FRAS1: variants seen among roughly 807,000 people sequenced by gnomAD.
FRAS1 encodes extracellular matrix organizing protein FRAS1.
Under a neutral mutation model 435.2 loss-of-function variants are expected in FRAS1, and 290 were observed. The ratio of observed to expected loss-of-function variants is 0.67; its 90% CI spans 0.61 to 0.73. FRAS1 has a LOEUF of 0.73. FRAS1 is among the 30% of genes least tolerant of loss of function. FRAS1 has a pLI of 0.00. For synonymous variants in FRAS1, 1,800 were observed against 1,851.0 expected (o/e 0.97, Z 0.71); for missense variants, 4,860 against 5,001.5 (o/e 0.97, Z 0.85).
Position 78,489,054 on chromosome 4 carries a change from C to T in FRAS1, c.8932C>T (p.Arg2978Trp), listed in dbSNP as rs772287156. The change falls in exon 59 of 74, where the codon CGG (arginine) becomes TGG (tryptophan). Residue 2978 changes from arginine to tryptophan, a missense_variant. Physicochemically the swap from Arg to Trp is moderately radical, Grantham distance 101. Transcript: ENST00000512123. ...FEERQNADSS[R>W]ITFLKGDKVK... ...GGAGAGACAAAATGCAGACTCTTCACGGATTACATTTCTCAAAGGGGACAA... is the reference window on the plus strand; with the variant it reads ...GGAGAGACAAAATGCAGACTCTTCATGGATTACATTTCTCAAAGGGGACAA... The T allele has an allele frequency of 9.3e-6, 15 of 1,613,106 alleles. No individual in the cohort carries two copies. Among genetic ancestry groups the T allele is most frequent in the African/African-American group, 1.3e-5 (1 of 74,878 alleles).
At chr4:78,220,629 T>C (rs2110095885) in intron 2 of FRAS1, among the ~76,000 whole-genome samples, 1 of 152,348 alleles carries the variant, frequency 6.6e-6, no homozygotes, top group East Asian at 1.9e-4. Context: ...TCTCATGTTC[T>C]GTATAATCTA....
intron 22 of FRAS1, among the ~76,000 whole-genome samples, chr4:78,367,918 T>G (rs12642918): frequency 0.12 from 18,067 of 152,230 alleles, 1,329 homozygotes; most frequent in African/African-American, 0.21. Flanking sequence ...ATAAAAATAT[T>G]GATCAAGTAA....
rs553390011 is a variant in FRAS1 at position 78,329,236 on chromosome 4, A to G, written c.2138-4036A>G. Among the ~76,000 whole-genome samples the G allele has an allele frequency of 3.3e-5, 5 of 152,324 alleles. No individual in the cohort carries two copies. In the South Asian group the frequency reaches 8.3e-4, roughly 25 times the overall value. Reference sequence around the variant, plus strand: ...GTCCAATGCATTAATTGTCATCTATACACTTGTATTAACTCCCATTTTGAC... The same window carrying G: ...GTCCAATGCATTAATTGTCATCTATGCACTTGTATTAACTCCCATTTTGAC... On this transcript the variant is annotated intron_variant, in intron 18 of 73. Coordinates refer to ENST00000512123, the MANE Select transcript of FRAS1 (RefSeq NM_025074.7).
chr4:78,089,661 T>TTTG (rs10631920), intron 2 of FRAS1, among the ~76,000 whole-genome samples: 101,432 of 151,618 alleles, frequency 0.67, 35,267 homozygotes, highest in East Asian at 0.88. Flanking sequence ...AATATAAAAG[T>TTTG]AGCCAATTGC....
intron 61 of FRAS1, among the ~76,000 whole-genome samples, chr4:78,506,161 C>T (rs1261445957): frequency 1.3e-5 from 2 of 152,222 alleles, no homozygotes; most frequent in Non-Finnish European, 2.9e-5. Flanking sequence ...TGGTGTCCGT[C>T]AGCTGCCACT....
At chr4:78,305,199 T>C (rs1186252388) in intron 14 of FRAS1, among the ~76,000 whole-genome samples, 2 of 152,206 alleles carry the variant, frequency 1.3e-5, no homozygotes, top group South Asian at 2.1e-4. Flanking sequence ...TCCTGAGTTC[T>C]AGTTTGATTG....
chr4:78,159,649 G>A (rs1044768710), intron 2 of FRAS1, among the ~76,000 whole-genome samples: 1 of 152,192 alleles, frequency 6.6e-6, no homozygotes, highest in Non-Finnish European at 1.5e-5. Context: ...GGGAGGCCAA[G>A]GAGGGTAGAT....
rs1236870756 is a variant in FRAS1 at position 78,452,349 on chromosome 4, C to T, written c.6758C>T (p.Ser2253Leu). ...CTGGGCCACTTGGAACATGCAGCATCACCAGGTAAGTCTATCATCTCTTGA... is the reference window on the plus strand; with the variant it reads ...CTGGGCCACTTGGAACATGCAGCATTACCAGGTAAGTCTATCATCTCTTGA... ...PQLGHLEHAASPGIQISSFTQ... is the reference protein window; with the variant it reads ...PQLGHLEHAALPGIQISSFTQ... Residue 2253 changes from serine (S) to leucine (L), a missense_variant, in exon 47 of 74, where the codon TCA becomes TTA. Transcript: ENST00000512123. 6.2e-7 allele frequency: 1 copy of T among 1,600,626 alleles called. No individual in the cohort carries two copies. Among genetic ancestry groups the T allele is most frequent in the East Asian group, 2.2e-5 (1 of 44,770 alleles).
intron 47 of FRAS1, among the ~76,000 whole-genome samples, 162 bp downstream of exon 47, chr4:78,452,516 A>G (rs539856532): frequency 2.2e-4 from 34 of 152,342 alleles, no homozygotes; most frequent in Non-Finnish European, 1.9e-4. Flanking sequence ...TATTATACTT[A>G]GCACACAGCA....
chr4:78,451,772 G>A lies in FRAS1; in HGVS notation c.6464G>A (p.Gly2155Asp). The A allele has an allele frequency of 6.3e-7, 1 of 1,598,064 alleles. No individual in the cohort carries two copies. Among genetic ancestry groups the A allele is most frequent in the African/African-American group, 1.4e-5 (1 of 73,928 alleles). ...TCTTGATTTTTTTTCCTTTTTATAG[G>A]CCACGTAGAATATAGTCATGGAACA... The part of the protein sequence containing the change: ...RSFTQADISQ[G>D]HVEYSHGTGE... Residue 2155 changes from glycine to aspartate, a missense_variant and splice_region_variant, in exon 46 of 74, where the codon GGC becomes GAC. Gly to Asp is a moderately conservative substitution (Grantham distance 94, BLOSUM62 -1). Coordinates refer to ENST00000512123, the MANE Select transcript of FRAS1 (RefSeq NM_025074.7).
intron 2 of FRAS1, among the ~76,000 whole-genome samples, chr4:78,153,134 T>A (rs1720739757): frequency 6.6e-6 from 1 of 152,160 alleles, no homozygotes; most frequent in Non-Finnish European, 1.5e-5. Context: ...CTTAAAGACT[T>A]ATCTTATCCC....
In FRAS1 at chr4:78,534,640, A is replaced by G. The variant is rs763998608; in HGVS notation, c.11092+25A>G. On this transcript the variant is annotated intron_variant, in intron 71 of 73. Transcript: ENST00000512123. Reference sequence around the variant, plus strand: ...GGTGAGTTGCTTCCTCCACCTGCAGAAAGAGGCTCTGCCTGGATATGAGAA... The same window carrying G: ...GGTGAGTTGCTTCCTCCACCTGCAGGAAGAGGCTCTGCCTGGATATGAGAA... The G allele has an allele frequency of 2.3e-5, 37 of 1,608,104 alleles. No homozygotes were observed. The South Asian group carries it at 4.0e-4, about 17-fold the overall frequency.
rs1465016477 is a variant in FRAS1, at chr4:78,387,604, A to G, written c.3878A>G (p.His1293Arg). ...TCTAGAGGCCTTCTCCACTATGCTC[A>G]TGATGGTTCAGACAGCACATCCGAT... ...ELSRGLLHYA[H>R]DGSDSTSDVA... The change falls in exon 29 of 74, where the codon CAT becomes CGT. Residue 1293 changes from histidine to arginine, a missense_variant. By Grantham distance (29) the His-to-Arg change is conservative (BLOSUM62 0). Coordinates refer to ENST00000512123, the MANE Select transcript of FRAS1 (RefSeq NM_025074.7). The G allele has an allele frequency of 4.3e-6, 7 of 1,613,406 alleles. No homozygotes were observed. The highest frequency in any genetic ancestry group is 2.2e-5 in the South Asian group (2 of 90,980).
chr4:78,326,241 T>C (rs913094555), intron 18 of FRAS1, among the ~76,000 whole-genome samples: 7 of 152,146 alleles, frequency 4.6e-5, no homozygotes, highest in Admixed American at 2.0e-4. Flanking sequence ...TCATGAATGA[T>C]GTTGAAGATC....
At chr4:78,081,370 T>A (rs1169358911) in intron 2 of FRAS1, among the ~76,000 whole-genome samples, 1 of 152,154 alleles carries the variant, frequency 6.6e-6, no homozygotes, top group East Asian at 1.9e-4. Flanking sequence ...TATTTATTTT[T>A]AATTAAATTT....
rs189928162 is a variant in FRAS1 at position 78,300,971 on chromosome 4, T to C, written c.1535-7095T>C. The stretch of plus-strand genomic sequence containing the variant: ...ATTGCAGAGCCCTTTTTAGCACTTA[T>C]TGCAATTCGTAATCATCCCTACCTT... On this transcript the variant is annotated intron_variant, in intron 14 of 73. Coordinates refer to ENST00000512123, the MANE Select transcript of FRAS1 (RefSeq NM_025074.7). 1.6e-3 allele frequency among the ~76,000 whole-genome samples: 251 copies of C among 152,348 alleles called. 1 individual carries two copies. The highest frequency in any genetic ancestry group is 3.7e-3 in the African/African-American group (155 of 41,570).
chr4:78,145,584 ACT>A (rs1018236979), intron 2 of FRAS1, among the ~76,000 whole-genome samples: 1 of 152,210 alleles, frequency 6.6e-6, no homozygotes, highest in African/African-American at 2.4e-5. Context: ...CGGAATGCAC[ACT>A]GTGGCTACAT....
chr4:78,267,562 C>A, intron 9 of FRAS1, 130 bp downstream of exon 9: 1 of 792,638 alleles, frequency 1.3e-6, no homozygotes, highest in Non-Finnish European at 2.0e-6. Context: ...CTTCATAGGA[C>A]CTTCTAGTGT....
chr4:78,401,167 C>T (rs1388187862), intron 30 of FRAS1, among the ~76,000 whole-genome samples: 2 of 152,290 alleles, frequency 1.3e-5, no homozygotes, highest in Non-Finnish European at 2.9e-5. Flanking sequence ...AAGTAGCTTG[C>T]TGCAAGTCAC....
Sources: allele counts gnomAD v4.1 joint callset (sites outside exome capture counted in the v4.1 genomes callset), GRCh38; gene constraint gnomAD v4.1.1; transcripts MANE v1.5; gene names NCBI Gene and HGNC (gene_info 2026-07-23, HGNC 2026-07-21).